Variants in MYRIP observed in about 807,000 individuals in gnomAD.
The protein encoded by MYRIP is rab effector MyRIP.
Under a neutral mutation model 98.0 loss-of-function variants are expected in MYRIP, and 49 were observed. The observed-to-expected ratio is 0.50, with a 90% CI of 0.40 to 0.63. The LOEUF is 0.63. Ranked by LOEUF, MYRIP falls within the 30% of genes least tolerant of loss-of-function variation. The pLI, the probability that MYRIP is intolerant of heterozygous loss-of-function variation, is 0.00. For synonymous variants in MYRIP, 404 were observed against 409.5 expected (o/e 0.99, Z 0.16); for missense variants, 1,004 against 1,058.2 (o/e 0.95, Z 0.71).
At chr3:40,013,985 G>A (rs1046939206) in intron 2 of MYRIP, among the ~76,000 whole-genome samples, 1 of 152,178 alleles carries the variant, frequency 6.6e-6, no homozygotes, top group Admixed American at 6.5e-5. Context: ...ATCTATTGAT[G>A]TACCATAAGC....
At chr3:40,210,282 A>T (rs1263651509) in intron 11 of MYRIP, among the ~76,000 whole-genome samples, 189 bp downstream of exon 11, 6 of 152,200 alleles carry the variant, frequency 3.9e-5, no homozygotes, top group Non-Finnish European at 7.3e-5. Flanking sequence ...TCAGGAAAAC[A>T]GCATCATGGA....
At chr3:40,218,588 C>CAA (rs1455599858) in intron 11 of MYRIP, among the ~76,000 whole-genome samples, 1 of 4,424 alleles carries the variant, frequency 2.3e-4, no homozygotes, top group Non-Finnish European at 1.0e-3. Context: ...TTTACACACA[C>CAA]ACACACACAC....
chr3:39,916,145 C>T (rs116554528), intron 2 of MYRIP, among the ~76,000 whole-genome samples: 2,548 of 152,048 alleles, frequency 0.017, 65 homozygotes, highest in African/African-American at 0.058. Context: ...GTACTTAGAA[C>T]TGATATGTCT....
At chr3:39,850,997 G>A (rs937354878) in intron 1 of MYRIP, among the ~76,000 whole-genome samples, 2 of 152,088 alleles carry the variant, frequency 1.3e-5, no homozygotes, top group Non-Finnish European at 2.9e-5. Flanking sequence ...AGGCAGGAGA[G>A]ACTTACACTG....
intron 1 of MYRIP, among the ~76,000 whole-genome samples, chr3:39,874,119 C>T (rs1008454337): frequency 6.6e-6 from 1 of 151,806 alleles, no homozygotes; most frequent in Non-Finnish European, 1.5e-5. Flanking sequence ...TGGGAGTTCA[C>T]TCATGATTTG....
intron 1 of MYRIP, among the ~76,000 whole-genome samples, chr3:39,866,764 C>T (rs1384320695): frequency 6.6e-6 from 1 of 152,162 alleles, no homozygotes; most frequent in Non-Finnish European, 1.5e-5. Context: ...CCAAAGCATT[C>T]TCTAGATCCA....
chr3:40,093,562 T>C (rs537841522), intron 3 of MYRIP, among the ~76,000 whole-genome samples: 2 of 152,344 alleles, frequency 1.3e-5, no homozygotes, highest in African/African-American at 2.4e-5. Flanking sequence ...CTTAAGTTAT[T>C]GCTATCAGGT....
rs373088591 is a variant in MYRIP, at chr3:40,071,359, C to T, written c.332+27088C>T. 1.1e-3 allele frequency: 231 copies of T among 211,848 alleles called. 2 individuals carry two copies. In the South Asian group the frequency reaches 0.033, roughly 30 times the overall value. The allele number at this position is 211,848 out of a possible 1,614,324, so 13.1% of individuals were successfully genotyped here. ...ATGGCAGGTCAGGAATGAAAACAGGCGAGCTGAAAATGGGAGATGAGGAAA... is the reference window on the plus strand; with the variant it reads ...ATGGCAGGTCAGGAATGAAAACAGGTGAGCTGAAAATGGGAGATGAGGAAA... On this transcript the variant is annotated intron_variant, in intron 3 of 16. Coordinates refer to ENST00000302541, the MANE Select transcript of MYRIP (RefSeq NM_015460.4).
chr3:40,248,330 C>T (rs1053024617), intron 13 of MYRIP: 4 of 152,208 alleles, frequency 2.6e-5, no homozygotes, highest in Non-Finnish European at 5.9e-5. Flanking sequence ...CTCTTAACTC[C>T]TAGTATCAGG....
At chr3:39,964,094 A>G (rs12635772) in intron 2 of MYRIP, among the ~76,000 whole-genome samples, 26,493 of 151,984 alleles carry the variant, frequency 0.17, 4,404 homozygotes, top group African/African-American at 0.43. Context: ...AGTGCCTGAC[A>G]GTTCACCCAA....
rs62264363 is a variant in MYRIP, at chr3:39,910,871, C to T, written c.110+9945C>T. Among the ~76,000 whole-genome samples the T allele has an allele frequency of 5.2e-3, 798 of 152,224 alleles. 9 individuals are homozygous for T. Among genetic ancestry groups the T allele is most frequent in the Middle Eastern group, 0.014 (4 of 294 alleles). On this transcript the variant is annotated intron_variant, in intron 2 of 16. Coordinates refer to ENST00000302541, the MANE Select transcript of MYRIP (RefSeq NM_015460.4). ...TTTCCCAATTTTGTTTAGGATTATT[C>T]CTTTTTTATATGTGGTTTTTAGGTA...
chr3:40,112,991 G>A (rs945424724), intron 3 of MYRIP, among the ~76,000 whole-genome samples: 2 of 152,184 alleles, frequency 1.3e-5, no homozygotes, highest in African/African-American at 2.4e-5. Context: ...TGAATGTGGT[G>A]GGACCAATGC....
intron 6 of MYRIP, 30 bp downstream of exon 6, chr3:40,166,973 G>T (rs781371131): frequency 2.6e-6 from 4 of 1,552,682 alleles, no homozygotes; most frequent in Non-Finnish European, 3.6e-6. Context: ...TCTCTGTGGG[G>T]GGAGGTGTGG....
chr3:40,101,746 A>G (rs1948949782), intron 3 of MYRIP, among the ~76,000 whole-genome samples: 1 of 152,116 alleles, frequency 6.6e-6, no homozygotes, highest in African/African-American at 2.4e-5. Context: ...CATACCTGCA[A>G]TATATTCTTA....
chr3:40,251,066 G>C (rs1953362354), intron 15 of MYRIP, among the ~76,000 whole-genome samples: 2 of 152,242 alleles, frequency 1.3e-5, no homozygotes, highest in Non-Finnish European at 2.9e-5. Flanking sequence ...ATCTGCCACA[G>C]TGTCCAATCT....
intron 2 of MYRIP, among the ~76,000 whole-genome samples, chr3:39,975,457 A>T (rs1945723015): frequency 6.6e-6 from 1 of 152,028 alleles, no homozygotes; most frequent in Non-Finnish European, 1.5e-5. Flanking sequence ...AATATCGTGA[A>T]AATGGCCATA....
intron 2 of MYRIP, among the ~76,000 whole-genome samples, chr3:40,029,908 T>A (rs1370559588): frequency 6.6e-6 from 1 of 151,710 alleles, no homozygotes; most frequent in East Asian, 1.9e-4. Context: ...AAAAAATTAT[T>A]TAAAAAATTA....
intron 3 of MYRIP, among the ~76,000 whole-genome samples, chr3:40,069,511 C>A (rs183011674): frequency 6.6e-6 from 1 of 151,876 alleles, no homozygotes; most frequent in East Asian, 1.9e-4. Context: ...TGTTGTTGTG[C>A]AACCATCACT....
At chr3:39,811,027 GGTAT>G (rs1050080958) in intron 1 of MYRIP, among the ~76,000 whole-genome samples, 1 of 152,118 alleles carries the variant, frequency 6.6e-6, no homozygotes, top group Non-Finnish European at 1.5e-5. Flanking sequence ...CCAGTCTTGG[GGTAT>G]GCAAATGATG....
Sources: allele counts gnomAD v4.1 joint callset (sites outside exome capture counted in the v4.1 genomes callset), GRCh38; gene constraint gnomAD v4.1.1; transcripts MANE v1.5; gene names NCBI Gene and HGNC (gene_info 2026-07-23, HGNC 2026-07-21).